The following NAV3 variants were observed in gnomAD, a reference collection of about 807,000 sequenced individuals.
NAV3 encodes the protein pore membrane and/or filament interacting like protein 1.
NAV3 carries 87 observed loss-of-function variants against 244.7 expected under a neutral mutation model. That is an observed-to-expected ratio of 0.36 (90% confidence interval 0.30 to 0.42). The LOEUF is 0.42. NAV3 is among the 20% of genes least tolerant of loss of function. NAV3 has a pLI of 1.00. For synonymous variants in NAV3, 1,126 were observed against 1,042.2 expected (o/e 1.08, Z -1.55); for missense variants, 2,663 against 2,893.3 (o/e 0.92, Z 1.83).
At chr12:77,891,994 T>C (rs914006580) in intron 1 of NAV3, among the ~76,000 whole-genome samples, 1 of 152,210 alleles carries the variant, frequency 6.6e-6, no homozygotes, top group Admixed American at 6.5e-5. Flanking sequence ...GTACTCTTTG[T>C]CAGTTTCATG....
intron 2 of NAV3, among the ~76,000 whole-genome samples, chr12:77,680,201 A>G (rs1874389966): frequency 6.6e-6 from 1 of 152,162 alleles, no homozygotes; most frequent in Non-Finnish European, 1.5e-5. Context: ...ATAAAATTTC[A>G]GAACAGACAC....
At chr12:77,749,810 T>C (rs1868747670) in intron 2 of NAV3, among the ~76,000 whole-genome samples, 1 of 152,192 alleles carries the variant, frequency 6.6e-6, no homozygotes, top group African/African-American at 2.4e-5. Flanking sequence ...GAGTGCTCGC[T>C]GTATATATCA....
intron 7 of NAV3, 109 bp downstream of exon 7, chr12:77,998,585 C>G (rs1187222387): frequency 8.4e-7 from 1 of 1,186,456 alleles, no homozygotes; most frequent in African/African-American, 1.6e-5. Flanking sequence ...GAGATGTTAT[C>G]AGTGGAGTTT....
chr12:78,025,747 C>G (rs1375717358), intron 9 of NAV3, among the ~76,000 whole-genome samples: 1 of 151,974 alleles, frequency 6.6e-6, no homozygotes, highest in Admixed American at 6.6e-5. Flanking sequence ...CTGTTAGGTC[C>G]CACACAAACT....
intron 18 of NAV3, among the ~76,000 whole-genome samples, chr12:78,130,108 A>G (rs1956097723): frequency 6.6e-6 from 1 of 152,202 alleles, no homozygotes; most frequent in African/African-American, 2.4e-5. Flanking sequence ...TAGCTGAATA[A>G]TCTTCACTGC....
At chr12:77,622,504 T>TA (rs1053636058) in intron 2 of NAV3, among the ~76,000 whole-genome samples, 1 of 150,000 alleles carries the variant, frequency 6.7e-6, no homozygotes, top group African/African-American at 2.5e-5. Context: ...TCAAGGTCCC[T>TA]AGTGCTCTGC....
At chr12:78,003,303 T>G (rs898842770) in intron 7 of NAV3, among the ~76,000 whole-genome samples, 3 of 152,240 alleles carry the variant, frequency 2.0e-5, no homozygotes, top group African/African-American at 7.2e-5. Flanking sequence ...TCCTAATTAT[T>G]TATCAAAATA....
At chr12:77,861,218 C>A (rs1351409258) in intron 1 of NAV3, among the ~76,000 whole-genome samples, 2 of 151,676 alleles carry the variant, frequency 1.3e-5, no homozygotes, top group Admixed American at 1.3e-4. Context: ...AAAAAAGGAA[C>A]CGTGTATCTT....
intron 2 of NAV3, among the ~76,000 whole-genome samples, chr12:77,654,708 A>T (rs1873001987): frequency 6.6e-6 from 1 of 152,130 alleles, no homozygotes; most frequent in African/African-American, 2.4e-5. Context: ...GGAACCCCCC[A>T]GTAGGGGCAG....
intron 38 of NAV3, among the ~76,000 whole-genome samples, chr12:78,200,793 G>A (rs867128687): frequency 3.3e-5 from 5 of 151,982 alleles, no homozygotes; most frequent in African/African-American, 4.8e-5. Context: ...AGAAAGAAAA[G>A]GCACAGTTAT....
chr12:77,831,057 T>C lies in NAV3; in HGVS notation c.-405T>C, dbSNP rs1050502634. 6.5e-6 allele frequency: 1 copy of C among 153,936 alleles called. No homozygotes were observed. Among genetic ancestry groups the C allele is most frequent in the African/African-American group, 2.4e-5 (1 of 41,468 alleles). 9.5% of individuals were successfully genotyped at this position (153,936 alleles called of 1,614,324 possible). ...AAAAATAAGCAAAACTAAGAGCTCT[T>C]TAATCCTAAGAAGGAGCTTTGTAGC... On this transcript the variant is annotated 5_prime_UTR_variant, in exon 1 of 40. Transcript: ENST00000397909.
At chr12:77,624,531 T>G (rs1398905109) in intron 2 of NAV3, among the ~76,000 whole-genome samples, 3 of 151,822 alleles carry the variant, frequency 2.0e-5, no homozygotes, top group South Asian at 2.1e-4. Context: ...TGAAAGCAGG[T>G]AGGCTAGTAC....
chr12:77,747,434 G>A (rs1378463619), intron 2 of NAV3, among the ~76,000 whole-genome samples: 1 of 152,158 alleles, frequency 6.6e-6, no homozygotes, highest in Non-Finnish European at 1.5e-5. Flanking sequence ...CACTGTTGGT[G>A]GGACTGTAAA....
At chr12:78,030,189 C>G (rs755490893) in intron 9 of NAV3, among the ~76,000 whole-genome samples, 2 of 152,094 alleles carry the variant, frequency 1.3e-5, no homozygotes, top group African/African-American at 2.4e-5. Context: ...GGATATTAAG[C>G]CTGTAATAGA....
chr12:78,137,039 A>G, intron 18 of NAV3, 138 bp from the exon 19 acceptor site: 1 of 713,762 alleles, frequency 1.4e-6, no homozygotes, highest in Non-Finnish European at 2.1e-6. Flanking sequence ...TTTCAGAGGC[A>G]GACTCTTACC....
At chr12:77,610,136 G>C (rs1870847573) in intron 2 of NAV3, among the ~76,000 whole-genome samples, 1 of 151,876 alleles carries the variant, frequency 6.6e-6, no homozygotes, top group South Asian at 2.1e-4. Flanking sequence ...AATTTTAGAA[G>C]GCTGCCAAAT....
chr12:78,177,059 T>A, intron 26 of NAV3, 82 bp from the exon 27 acceptor site: 1 of 1,421,968 alleles, frequency 7.0e-7, no homozygotes, highest in South Asian at 1.2e-5. Context: ...GTGGCTAGGA[T>A]GGCATCTGCA....
chr12:78,018,322 A>G (rs2136757101), intron 8 of NAV3, among the ~76,000 whole-genome samples: 2 of 152,322 alleles, frequency 1.3e-5, no homozygotes, highest in Middle Eastern at 6.8e-3. Flanking sequence ...TGTCTCAGAC[A>G]GGGGGAATGG....
At chr12:77,611,606 A>G (rs564982786) in intron 2 of NAV3, among the ~76,000 whole-genome samples, 5 of 152,080 alleles carry the variant, frequency 3.3e-5, no homozygotes, top group South Asian at 2.1e-4. Flanking sequence ...AAGCAACTAT[A>G]GTTAACAGGC....
Sources: allele counts gnomAD v4.1 joint callset (sites outside exome capture counted in the v4.1 genomes callset), GRCh38; gene constraint gnomAD v4.1.1; transcripts MANE v1.5; gene names NCBI Gene and HGNC (gene_info 2026-07-23, HGNC 2026-07-21).